AGBL4: variants seen among roughly 807,000 people sequenced by gnomAD.
The protein encoded by AGBL4 is AGBL carboxypeptidase 4.
Under a neutral mutation model 66.4 loss-of-function variants are expected in AGBL4, and 58 were observed. The observed-to-expected ratio is 0.87, with a 90% CI of 0.71 to 1.09. The LOEUF is 1.09. Among genes scored for constraint, AGBL4 ranks in the 50% least tolerant of loss-of-function variants. AGBL4 has a pLI of 0.00. For synonymous variants in AGBL4, 234 were observed against 222.9 expected (o/e 1.05, Z -0.44); for missense variants, 579 against 631.0 (o/e 0.92, Z 0.88).
chr1:49,783,192 G>A (rs1644376450), intron 2 of AGBL4, among the ~76,000 whole-genome samples: 1 of 152,114 alleles, frequency 6.6e-6, no homozygotes, highest in East Asian at 1.9e-4. Context: ...AACTGGTTAA[G>A]ATAAAGAATG....
intron 5 of AGBL4, among the ~76,000 whole-genome samples, chr1:48,885,946 T>C (rs975843620): frequency 1.2e-4 from 18 of 152,196 alleles, no homozygotes. Flanking sequence ...ACTACATACC[T>C]GGATGAGAGT....
intron 3 of AGBL4, among the ~76,000 whole-genome samples, chr1:49,554,677 G>A (rs1045490816): frequency 2.6e-5 from 4 of 152,148 alleles, no homozygotes; most frequent in East Asian, 1.9e-4. Flanking sequence ...TCTTGGTCTC[G>A]CTGACTTCAA....
At chr1:49,034,855 C>A (rs1446947100) in intron 5 of AGBL4, among the ~76,000 whole-genome samples, 2 of 152,080 alleles carry the variant, frequency 1.3e-5, no homozygotes, top group African/African-American at 4.8e-5. Flanking sequence ...ATTACCCAGT[C>A]TTGGGTATGT....
At chr1:49,902,645 G>T (rs1649873208) in intron 1 of AGBL4, among the ~76,000 whole-genome samples, 1 of 152,142 alleles carries the variant, frequency 6.6e-6, no homozygotes, top group African/African-American at 2.4e-5. Flanking sequence ...TACTCAGGAG[G>T]TTGAGGCAGG....
intron 2 of AGBL4, among the ~76,000 whole-genome samples, chr1:49,820,684 C>T (rs993102517): frequency 2.0e-5 from 3 of 152,260 alleles, no homozygotes; most frequent in African/African-American, 7.2e-5. Context: ...TAATATAGGA[C>T]ATCAGACTGG....
intron 3 of AGBL4, among the ~76,000 whole-genome samples, chr1:49,258,126 A>G (rs1016153826): frequency 6.6e-6 from 1 of 152,200 alleles, no homozygotes; most frequent in Non-Finnish European, 1.5e-5. Flanking sequence ...TAACAAACAG[A>G]AAGGACATCC....
At chr1:48,623,989 A>T (rs1645458024) in intron 9 of AGBL4, among the ~76,000 whole-genome samples, 1 of 152,150 alleles carries the variant, frequency 6.6e-6, no homozygotes, top group Non-Finnish European at 1.5e-5. Flanking sequence ...TGACCATGGG[A>T]CATAGAAAAT....
intron 5 of AGBL4, among the ~76,000 whole-genome samples, chr1:48,985,894 T>C (rs1660146064): frequency 6.6e-6 from 1 of 152,132 alleles, no homozygotes; most frequent in Non-Finnish European, 1.5e-5. Flanking sequence ...ATGTTAGCAT[T>C]AGCAGAAAAA....
chr1:49,968,382 G>A (rs1370709774), intron 1 of AGBL4, among the ~76,000 whole-genome samples: 1 of 151,970 alleles, frequency 6.6e-6, no homozygotes, highest in Admixed American at 6.6e-5. Flanking sequence ...AATGATTTGG[G>A]GCAGTGACAT....
intron 6 of AGBL4, among the ~76,000 whole-genome samples, chr1:48,789,725 C>T (rs979774544): frequency 6.6e-6 from 1 of 152,120 alleles, no homozygotes; most frequent in Non-Finnish European, 1.5e-5. Context: ...ATACGTTAAG[C>T]TCACTAACTC....
At chr1:49,181,462 C>T (rs1464459004) in intron 4 of AGBL4, among the ~76,000 whole-genome samples, 1 of 152,194 alleles carries the variant, frequency 6.6e-6, no homozygotes, top group Non-Finnish European at 1.5e-5. Context: ...GAATCCTCAG[C>T]CACAGCTCTA....
At chr1:48,681,865 C>T (rs942058054) in intron 6 of AGBL4, among the ~76,000 whole-genome samples, 5 of 152,158 alleles carry the variant, frequency 3.3e-5, no homozygotes, top group African/African-American at 9.7e-5. Context: ...AGGCCAGAGA[C>T]AGTGTGTGAT....
intron 6 of AGBL4, among the ~76,000 whole-genome samples, chr1:48,749,073 A>G (rs927538706): frequency 6.6e-4 from 100 of 152,150 alleles, no homozygotes; most frequent in African/African-American, 2.3e-3. Context: ...AGGAAGAAAG[A>G]GGTGAAAAAA....
At chr1:49,916,601 C>T (rs1228573566) in intron 1 of AGBL4, among the ~76,000 whole-genome samples, 5 of 152,158 alleles carry the variant, frequency 3.3e-5, no homozygotes, top group East Asian at 1.9e-4. Flanking sequence ...ACCAAATCTA[C>T]GTCTGATTGG....
At chr1:49,882,200 A>G (rs1206576410) in intron 1 of AGBL4, among the ~76,000 whole-genome samples, 32 of 150,094 alleles carry the variant, frequency 2.1e-4, no homozygotes, top group African/African-American at 6.9e-4. Flanking sequence ...ATAGTTGTAG[A>G]TATGCGGCAT....
intron 5 of AGBL4, among the ~76,000 whole-genome samples, chr1:48,962,096 CCCATCCATCCAT>C (rs372705417): frequency 6.6e-6 from 1 of 151,032 alleles, no homozygotes; most frequent in Admixed American, 6.6e-5. Context: ...CTTAAAAGAT[CCCATCCATCCAT>C]CCATCCATCC....
intron 6 of AGBL4, among the ~76,000 whole-genome samples, chr1:48,676,570 A>G (rs1444020378): frequency 6.6e-6 from 1 of 152,170 alleles, no homozygotes; most frequent in Non-Finnish European, 1.5e-5. Flanking sequence ...ATCTGATATA[A>G]ATGTTTACTG....
chr1:48,835,154 T>C (rs1396373222), intron 6 of AGBL4, among the ~76,000 whole-genome samples: 1 of 152,170 alleles, frequency 6.6e-6, no homozygotes, highest in Admixed American at 6.5e-5. Context: ...TATTTTATGC[T>C]ACTAAATGGA....
chr1:49,904,054 C>G (rs1450662274), intron 1 of AGBL4, among the ~76,000 whole-genome samples: 1 of 152,174 alleles, frequency 6.6e-6, no homozygotes, highest in East Asian at 1.9e-4. Context: ...ATCAGCCACT[C>G]TGATAGATGC....
Sources: allele counts gnomAD v4.1 joint callset (sites outside exome capture counted in the v4.1 genomes callset), GRCh38; gene constraint gnomAD v4.1.1; transcripts MANE v1.5; gene names NCBI Gene and HGNC (gene_info 2026-07-23, HGNC 2026-07-21).